TNS1: variants seen among roughly 807,000 people sequenced by gnomAD.
The protein encoded by TNS1 is tensin 1, also known as tensin-1.
In TNS1, 62 loss-of-function variants were observed where a neutral mutation model predicts 168.6. That is an observed-to-expected ratio of 0.37 (90% confidence interval 0.30 to 0.45). TNS1 has a LOEUF of 0.45. Among genes scored for constraint, TNS1 ranks in the 20% least tolerant of loss-of-function variants. TNS1 has a pLI of 1.00. For synonymous variants in TNS1, 934 were observed against 933.2 expected (o/e 1.00, Z -0.02); for missense variants, 2,240 against 2,339.4 (o/e 0.96, Z 0.88).
intron 6 of TNS1, among the ~76,000 whole-genome samples, chr2:217,902,607 C>A (rs1416020584): frequency 6.6e-6 from 1 of 152,164 alleles, no homozygotes; most frequent in Non-Finnish European, 1.5e-5. Flanking sequence ...CATTCCTCAG[C>A]CTCCCCACCC....
chr2:217,808,780 G>T, intron 30 of TNS1, 109 bp from the exon 31 acceptor site: 1 of 976,212 alleles, frequency 1.0e-6, no homozygotes, highest in South Asian at 1.4e-5. Context: ...GCTATCGCAG[G>T]TCCACACAAC....
At chr2:217,816,416 T>G (rs574657239) in intron 24 of TNS1, among the ~76,000 whole-genome samples, 1 of 152,258 alleles carries the variant, frequency 6.6e-6, no homozygotes, top group East Asian at 1.9e-4. Flanking sequence ...TTTCAACCTA[T>G]GATTTACACT....
chr2:218,026,240 T>A (rs975855174), intron 1 of TNS1, among the ~76,000 whole-genome samples: 3 of 152,186 alleles, frequency 2.0e-5, no homozygotes, highest in Admixed American at 2.0e-4. Flanking sequence ...AGCCTTTAAG[T>A]AGCCAAGCCC....
At chr2:217,960,739 C>T (rs1363825497) in intron 3 of TNS1, among the ~76,000 whole-genome samples, 2 of 152,148 alleles carry the variant, frequency 1.3e-5, no homozygotes, top group Non-Finnish European at 2.9e-5. Flanking sequence ...CCCCTGTCCC[C>T]CTTCCAGTCT....
intron 28 of TNS1, among the ~76,000 whole-genome samples, chr2:217,812,025 C>A (rs894629474): frequency 3.3e-5 from 5 of 152,160 alleles, no homozygotes; most frequent in South Asian, 2.1e-4. Context: ...TCCCCAGATG[C>A]CCATCTCATC....
chr2:217,879,677 C>T lies in TNS1; in HGVS notation c.1429+1221G>A, dbSNP rs557984047. Among the ~76,000 whole-genome samples, 254 of 152,286 alleles carry T rather than the reference C, an allele frequency of 1.7e-3. 1 individual carries two copies. The highest frequency in any genetic ancestry group is 5.7e-3 in the African/African-American group (235 of 41,550). On this transcript the variant is annotated intron_variant, in intron 18 of 32. Transcript: ENST00000682258. ...TGAAACCTTGTGCTCATTCTGGTGA[C>T]CCCAAGGTCAGAGGAGAAATCTTTA...
At chr2:217,944,947 A>C (rs1957065811) in intron 3 of TNS1, among the ~76,000 whole-genome samples, 1 of 152,214 alleles carries the variant, frequency 6.6e-6, no homozygotes. Context: ...GGGAAAAGTT[A>C]TTTGCTACAC....
chr2:217,936,279 C>T (rs183444882), intron 3 of TNS1, among the ~76,000 whole-genome samples: 16 of 152,200 alleles, frequency 1.1e-4, no homozygotes, highest in African/African-American at 2.9e-4. Flanking sequence ...AGGATCCTCT[C>T]GGTGCCTTAA....
At chr2:217,922,996 C>T (rs1210016245) in intron 3 of TNS1, among the ~76,000 whole-genome samples, 1 of 152,202 alleles carries the variant, frequency 6.6e-6, no homozygotes, top group Admixed American at 6.5e-5. Context: ...CTCCGGCACC[C>T]TGGCCCCTGG....
At chr2:217,990,727 T>C (rs903008767) in intron 2 of TNS1, among the ~76,000 whole-genome samples, 2 of 152,230 alleles carry the variant, frequency 1.3e-5, no homozygotes, top group African/African-American at 4.8e-5. Flanking sequence ...ACAAGCTGCA[T>C]GCCATTTCCA....
intron 3 of TNS1, among the ~76,000 whole-genome samples, chr2:217,930,774 G>A (rs4674231): frequency 0.12 from 18,000 of 152,206 alleles, 2,059 homozygotes; most frequent in East Asian, 0.3. Flanking sequence ...AGAAGAGGAG[G>A]TGTGAACAGG....
rs58297965 is a variant in TNS1, at chr2:217,893,400, G to GCGCGCACACACACACACACACACA, written c.717+38_717+39insTGTGTGTGTGTGTGTGTGTGCGCG. On this transcript the variant is annotated intron_variant, in intron 10 of 32. Transcript: ENST00000682258. ...CACACATGTGCGCATGTGCGCGCGCGCACACACACACACACACACACACAC... is the reference window on the plus strand; with the variant it reads ...CACACATGTGCGCATGTGCGCGCGCGCGCGCACACACACACACACACACACACACACACACACACACACACACAC... 7.5e-6 allele frequency: 11 copies of GCGCGCACACACACACACACACACA among 1,462,134 alleles called. No individual in the cohort carries two copies. In the African/African-American group the frequency reaches 1.6e-4, roughly 21 times the overall value. 90.6% of individuals were successfully genotyped at this position (1,462,134 alleles called of 1,614,324 possible).
intron 3 of TNS1, among the ~76,000 whole-genome samples, chr2:217,922,515 C>A (rs1955778409): frequency 6.6e-6 from 1 of 152,132 alleles, no homozygotes; most frequent in African/African-American, 2.4e-5. Flanking sequence ...GCCCCAGGTT[C>A]CACCAGTCCC....
intron 1 of TNS1, among the ~76,000 whole-genome samples, chr2:217,991,655 G>T (rs959906063): frequency 5.3e-5 from 8 of 151,996 alleles, no homozygotes; most frequent in Non-Finnish European, 1.0e-4. Flanking sequence ...CTTTGTCTCT[G>T]CCGTGCGCCG....
intron 24 of TNS1, among the ~76,000 whole-genome samples, chr2:217,816,618 G>T (rs1574597923): frequency 6.6e-6 from 1 of 152,152 alleles, no homozygotes; most frequent in South Asian, 2.1e-4. Context: ...TGTCAGAGGC[G>T]GCTGCAGTCC....
At chr2:217,854,962 G>A (rs190559348) in intron 18 of TNS1, among the ~76,000 whole-genome samples, 10 of 152,314 alleles carry the variant, frequency 6.6e-5, no homozygotes, top group East Asian at 1.9e-4. Flanking sequence ...CTCAGAGCCC[G>A]GCCTGCAGGC....
chr2:218,026,597 G>A (rs1958851268), intron 1 of TNS1, among the ~76,000 whole-genome samples: 1 of 152,204 alleles, frequency 6.6e-6, no homozygotes, highest in South Asian at 2.1e-4. Flanking sequence ...AAAGGTGGCT[G>A]TAGGGCACTT....
chr2:217,863,121 G>T (rs1326948309), intron 18 of TNS1, among the ~76,000 whole-genome samples: 3 of 152,166 alleles, frequency 2.0e-5, no homozygotes, highest in African/African-American at 7.2e-5. Context: ...TTCCTGGCCT[G>T]GCTCTTTGTT....
At chr2:217,812,993 C>A (rs1412134813) in intron 27 of TNS1, among the ~76,000 whole-genome samples, 3 of 152,228 alleles carry the variant, frequency 2.0e-5, no homozygotes, top group Non-Finnish European at 4.4e-5. Flanking sequence ...ATAATGATAA[C>A]AAGTCCCAGC....
Sources: allele counts gnomAD v4.1 joint callset (sites outside exome capture counted in the v4.1 genomes callset), GRCh38; gene constraint gnomAD v4.1.1; transcripts MANE v1.5; gene names NCBI Gene and HGNC (gene_info 2026-07-23, HGNC 2026-07-21).